The following NRG3 variants were observed in gnomAD, a reference collection of about 807,000 sequenced individuals.
NRG3 encodes neuregulin 3.
In NRG3, 31 loss-of-function variants were observed where a neutral mutation model predicts 66.9. That is an observed-to-expected ratio of 0.46 (90% CI 0.35 to 0.63). The LOEUF is 0.63. Ranked by LOEUF, NRG3 falls within the 20% of genes least tolerant of loss-of-function variation. The pLI is 0.00. For synonymous variants in NRG3, 393 were observed against 359.4 expected (o/e 1.09, Z -1.06); for missense variants, 910 against 878.9 (o/e 1.04, Z -0.45).
intron 1 of NRG3, among the ~76,000 whole-genome samples, chr10:82,017,865 A>G (rs1170421525): frequency 2.6e-5 from 4 of 152,096 alleles, no homozygotes; most frequent in Non-Finnish European, 5.9e-5. Flanking sequence ...GTAGATTGCA[A>G]AAATTTTCTC....
intron 1 of NRG3, among the ~76,000 whole-genome samples, chr10:82,019,303 A>G (rs1272946711): frequency 1.3e-5 from 2 of 152,164 alleles, no homozygotes; most frequent in African/African-American, 4.8e-5. Context: ...ATCATGGTGG[A>G]TAAGCTTTTT....
intron 1 of NRG3, among the ~76,000 whole-genome samples, chr10:81,942,118 A>C (rs569052277): frequency 3.2e-4 from 48 of 152,250 alleles, no homozygotes; most frequent in African/African-American, 1.0e-3. Context: ...ATCTTTGAGC[A>C]AATGAATAAT....
At chr10:82,413,770 C>T (rs534280471) in intron 2 of NRG3, among the ~76,000 whole-genome samples, 8 of 152,246 alleles carry the variant, frequency 5.3e-5, no homozygotes, top group Admixed American at 5.2e-4. Context: ...TGCTGTTTCA[C>T]ATGTACTTTT....
chr10:82,656,720 C>A (rs2051889917), intron 2 of NRG3, among the ~76,000 whole-genome samples: 1 of 152,254 alleles, frequency 6.6e-6, no homozygotes, highest in South Asian at 2.1e-4. Flanking sequence ...AGAAAGGTTG[C>A]TTCTCCATCA....
At chr10:82,865,792 C>T (rs17100967) in intron 4 of NRG3, among the ~76,000 whole-genome samples, 6,894 of 152,166 alleles carry the variant, frequency 0.045, 174 homozygotes, top group Middle Eastern at 0.1. Context: ...ACGTCTGCAA[C>T]ATGGCAAACA....
At chr10:82,738,754 C>A in intron 3 of NRG3, 104 bp downstream of exon 3, 2 of 995,980 alleles carry the variant, frequency 2.0e-6, no homozygotes, top group East Asian at 2.4e-5. Flanking sequence ...TCTTGTGTCT[C>A]TGAAAGCTGC....
chr10:82,562,217 C>T (rs1204439727), intron 2 of NRG3, among the ~76,000 whole-genome samples: 1 of 152,142 alleles, frequency 6.6e-6, no homozygotes, highest in Non-Finnish European at 1.5e-5. Flanking sequence ...TCACCATCAT[C>T]TTCGTCTTCA....
intron 1 of NRG3, among the ~76,000 whole-genome samples, chr10:82,257,194 A>G (rs1316884417): frequency 6.6e-6 from 1 of 152,222 alleles, no homozygotes; most frequent in Non-Finnish European, 1.5e-5. Flanking sequence ...AGAGTCAATC[A>G]GTCCAAAAAC....
intron 2 of NRG3, among the ~76,000 whole-genome samples, chr10:82,519,434 C>T (rs370963320): frequency 6.6e-6 from 1 of 152,092 alleles, no homozygotes; most frequent in Non-Finnish European, 1.5e-5. Context: ...GCAATGTAGG[C>T]GTTATGGGGT....
chr10:82,496,429 C>T (rs1320835302), intron 2 of NRG3, among the ~76,000 whole-genome samples: 1 of 151,994 alleles, frequency 6.6e-6, no homozygotes, highest in Non-Finnish European at 1.5e-5. Flanking sequence ...TCTCTTTTCC[C>T]ATTTAAAAAT....
At chr10:82,525,047 A>G (rs1846559798) in intron 2 of NRG3, among the ~76,000 whole-genome samples, 1 of 151,896 alleles carries the variant, frequency 6.6e-6, no homozygotes, top group South Asian at 2.1e-4. Context: ...TTATCATGAC[A>G]AACATAGACA....
chr10:82,545,590 C>T (rs1206001372), intron 2 of NRG3, among the ~76,000 whole-genome samples: 1 of 151,754 alleles, frequency 6.6e-6, no homozygotes, highest in Non-Finnish European at 1.5e-5. Context: ...ACCGTGTTAG[C>T]CAAGATGGTC....
intron 2 of NRG3, among the ~76,000 whole-genome samples, chr10:82,652,569 T>G (rs1243512361): frequency 6.6e-6 from 1 of 152,174 alleles, no homozygotes; most frequent in African/African-American, 2.4e-5. Flanking sequence ...ATCTAGCTGC[T>G]TCTCTTCTCT....
At chr10:82,020,158 T>C (rs1021371593) in intron 1 of NRG3, among the ~76,000 whole-genome samples, 12 of 152,142 alleles carry the variant, frequency 7.9e-5, no homozygotes, top group Non-Finnish European at 1.3e-4. Context: ...GCCAGGTTTA[T>C]AGGAAAAAGT....
chr10:82,873,401 TC>T (rs1841520346), intron 4 of NRG3, among the ~76,000 whole-genome samples: 1 of 152,166 alleles, frequency 6.6e-6, no homozygotes, highest in African/African-American at 2.4e-5. Flanking sequence ...GTTTGAAATT[TC>T]CTTAACAGTT....
At chr10:82,678,292 C>T (rs368529916) in intron 2 of NRG3, among the ~76,000 whole-genome samples, 45 of 151,598 alleles carry the variant, frequency 3.0e-4, no homozygotes, top group African/African-American at 9.2e-4. Context: ...AGAGAGTCAG[C>T]GAAGGGAGAT....
chr10:82,962,465 A>C (rs573330498), intron 6 of NRG3, among the ~76,000 whole-genome samples: 1 of 152,276 alleles, frequency 6.6e-6, no homozygotes, highest in Non-Finnish European at 1.5e-5. Context: ...ATTTTAAGAA[A>C]GGTAAGTTTA....
At chr10:82,265,064 T>A (rs1053493471) in intron 1 of NRG3, among the ~76,000 whole-genome samples, 2 of 152,086 alleles carry the variant, frequency 1.3e-5, no homozygotes, top group African/African-American at 4.8e-5. Flanking sequence ...TGTGTGTGTA[T>A]GTAGTGCCAG....
At chr10:82,558,346 G>A (rs1410122767) in intron 2 of NRG3, among the ~76,000 whole-genome samples, 1 of 152,078 alleles carries the variant, frequency 6.6e-6, no homozygotes, top group Non-Finnish European at 1.5e-5. Flanking sequence ...AAAACCCCTT[G>A]GGTGTCTCTC....
Sources: gnomAD v4.1 joint callset for allele counts (sites outside exome capture counted in the v4.1 genomes callset) on GRCh38, gnomAD v4.1.1 for gene constraint, MANE v1.5 for transcripts, NCBI Gene and HGNC (gene_info 2026-07-23, HGNC 2026-07-21) for gene names.